NBAS: variants seen among roughly 807,000 people sequenced by gnomAD.
NBAS encodes NAG/BC035112 fusion.
A neutral mutation model predicts 302.5 loss-of-function variants in NBAS; 219 were observed. The observed-to-expected ratio is 0.72, with a 90% CI of 0.65 to 0.81. The LOEUF is 0.81. Among genes scored for constraint, NBAS ranks in the 30% least tolerant of loss-of-function variants. The pLI, the probability that NBAS is intolerant of heterozygous loss-of-function variation, is 0.00. For missense variants in NBAS, 2,932 were observed against 2,841.6 expected (o/e 1.03, Z -0.72); for synonymous variants, 1,118 against 1,021.6 (o/e 1.09, Z -1.80).
At chr2:15,135,720 C>G in the NBAS span, among the ~76,000 whole-genome samples, 1 of 151,962 alleles carries the variant, frequency 6.6e-6, no homozygotes, top group Non-Finnish European at 1.5e-5. Flanking sequence ...GAGTGTAACT[C>G]CCCCCTCCCA....
At chr2:15,034,235 G>GGAAGGAAAGAAAGAAA in the NBAS span, among the ~76,000 whole-genome samples, 1 of 81,636 alleles carries the variant, frequency 1.2e-5, no homozygotes, top group Non-Finnish European at 2.6e-5. Flanking sequence ...AAAGAAAGAA[G>GGAAGGAAAGAAAGAAA]GAAAGAAAGA....
chr2:15,274,297 C>G (rs567973621), intron 44 of NBAS, among the ~76,000 whole-genome samples: 3 of 152,128 alleles, frequency 2.0e-5, no homozygotes, highest in Non-Finnish European at 4.4e-5. Context: ...GTGCCAACCT[C>G]CAAATGAATG....
At chr2:15,001,955 G>A in the NBAS span, among the ~76,000 whole-genome samples, 1 of 152,166 alleles carries the variant, frequency 6.6e-6, no homozygotes, top group Non-Finnish European at 1.5e-5. Context: ...GGCTCGGGCA[G>A]CCTGCTTTTA....
the NBAS span, among the ~76,000 whole-genome samples, chr2:14,896,001 A>AG: frequency 1.1e-4 from 10 of 93,570 alleles, no homozygotes; most frequent in African/African-American, 5.9e-4. Context: ...GAGACTATAA[A>AG]GGGGAAAAAA....
intron 42 of NBAS, among the ~76,000 whole-genome samples, chr2:15,278,800 C>G (rs1335211927): frequency 1.3e-5 from 2 of 152,244 alleles, no homozygotes; most frequent in Non-Finnish European, 2.9e-5. Flanking sequence ...TCACTAAAAG[C>G]TATGCCTGCA....
At chr2:15,448,504 C>T (rs1388232402) in intron 21 of NBAS, among the ~76,000 whole-genome samples, 1 of 152,188 alleles carries the variant, frequency 6.6e-6, no homozygotes, top group Non-Finnish European at 1.5e-5. Context: ...ACAAGACGTA[C>T]GTCCCTGTTT....
At chr2:15,021,398 T>TCACCTC in the NBAS span, among the ~76,000 whole-genome samples, 18 of 152,106 alleles carry the variant, frequency 1.2e-4, no homozygotes, top group Non-Finnish European at 2.4e-4. Context: ...GAGTACGTAA[T>TCACCTC]CACCTCCAGA....
intron 44 of NBAS, among the ~76,000 whole-genome samples, chr2:15,272,672 C>A (rs1384117594): frequency 1.3e-5 from 2 of 152,102 alleles, no homozygotes; most frequent in Non-Finnish European, 2.9e-5. Context: ...TAGAAAATCG[C>A]CTCTTGAGAA....
chr2:15,234,309 A>AG (rs1278169671), intron 46 of NBAS, among the ~76,000 whole-genome samples: 1 of 152,230 alleles, frequency 6.6e-6, no homozygotes, highest in Non-Finnish European at 1.5e-5. Flanking sequence ...AGATTGTAAA[A>AG]GGGGGTCCAA....
In NBAS at chr2:15,417,304, A is replaced by G. The variant is rs113922337; in HGVS notation, c.2763+223T>C. ...CTAGAACGGAAAAAAAAAGTTATAC[A>G]GATGGGTCTGAGTAAAGGGCAAGCA... On this transcript the variant is annotated intron_variant, in intron 24 of 51. Coordinates refer to ENST00000281513, the MANE Select transcript of NBAS (RefSeq NM_015909.4). Among the ~76,000 whole-genome samples, 1,026 of 152,338 alleles carry G rather than the reference A, an allele frequency of 6.7e-3. 12 individuals carry two copies. Among genetic ancestry groups the G allele is most frequent in the African/African-American group, 0.022 (926 of 41,562 alleles).
chr2:15,442,441 T>C (rs1678477577), intron 21 of NBAS, among the ~76,000 whole-genome samples: 3 of 151,640 alleles, frequency 2.0e-5, no homozygotes, highest in Admixed American at 6.6e-5. Flanking sequence ...ATAAAGATGT[T>C]CTTTGAAACC....
At position 15,509,680 on chromosome 2, in the gene NBAS, C is replaced by T. The variant is rs188854912; in HGVS notation, c.885+1532G>A. Among the ~76,000 whole-genome samples, 6 of 152,272 alleles carry T rather than the reference C, an allele frequency of 3.9e-5. No individual in the cohort carries two copies. The East Asian group carries it at 1.2e-3, about 29-fold the overall frequency. ...TCTTTAATAGTTTGTTGTTTTAGAA[C>T]ATAATTTGAAATCAATATATTTTTT... On this transcript the variant is annotated intron_variant, in intron 10 of 51. Transcript: ENST00000281513.
At chr2:15,407,560 G>A (rs986858848) in intron 25 of NBAS, among the ~76,000 whole-genome samples, 10 of 152,056 alleles carry the variant, frequency 6.6e-5, no homozygotes, top group African/African-American at 2.2e-4. Flanking sequence ...TGCCACACGG[G>A]TAACTAGCAA....
chr2:15,152,532 G>T, the NBAS span, among the ~76,000 whole-genome samples: 1 of 152,148 alleles, frequency 6.6e-6, no homozygotes, highest in Non-Finnish European at 1.5e-5. Flanking sequence ...CAATCACAGG[G>T]TGCTAACTGA....
intron 51 of NBAS, among the ~76,000 whole-genome samples, chr2:15,169,591 G>GA (rs1664201184): frequency 6.6e-6 from 1 of 152,172 alleles, no homozygotes; most frequent in African/African-American, 2.4e-5. Context: ...GAGGTCAAGT[G>GA]TGATACAGTT....
chr2:15,482,767 A>C (rs1003650810), intron 12 of NBAS, among the ~76,000 whole-genome samples: 2 of 151,772 alleles, frequency 1.3e-5, no homozygotes, highest in Admixed American at 1.3e-4. Context: ...GTAAAAATTT[A>C]TCTTTACATC....
chr2:15,429,065 C>T (rs985448509), intron 21 of NBAS, among the ~76,000 whole-genome samples: 5 of 150,116 alleles, frequency 3.3e-5, no homozygotes, highest in East Asian at 1.9e-4. Context: ...TAAATTTAAA[C>T]GGAAAAGCAA....
chr2:15,450,726 G>C (rs1031059346), intron 21 of NBAS, among the ~76,000 whole-genome samples: 11 of 152,044 alleles, frequency 7.2e-5, no homozygotes, highest in Non-Finnish European at 1.5e-4. Context: ...TTGCTAAACT[G>C]TTCTTTCAAT....
chr2:15,518,966 C>G (rs1291494074), intron 9 of NBAS, among the ~76,000 whole-genome samples: 1 of 152,094 alleles, frequency 6.6e-6, no homozygotes, highest in African/African-American at 2.4e-5. Context: ...CAGGTCCCTC[C>G]CACAACACGT....
Sources: gnomAD v4.1 joint callset for allele counts (sites outside exome capture counted in the v4.1 genomes callset) on GRCh38, gnomAD v4.1.1 for gene constraint, MANE v1.5 for transcripts, NCBI Gene and HGNC (gene_info 2026-07-23, HGNC 2026-07-21) for gene names.